GASK1B: variants seen among roughly 807,000 people sequenced by gnomAD.
The protein encoded by GASK1B is golgi associated kinase 1B.
A neutral mutation model predicts 42.8 loss-of-function variants in GASK1B; 34 were observed. That is an observed-to-expected ratio of 0.79 (90% CI 0.60 to 1.06). The LOEUF (loss-of-function observed/expected upper bound fraction) is 1.06. GASK1B is among the 50% of genes least tolerant of loss of function. GASK1B has a pLI of 0.00. For synonymous variants in GASK1B, 262 were observed against 259.1 expected, an observed-to-expected ratio of 1.01 and a Z score of -0.11; for missense variants, 686 against 661.0, an observed-to-expected ratio of 1.04 and a Z score of -0.42.
At position 158,171,264 on chromosome 4, in the gene GASK1B, G is replaced by C. The variant is rs1193144765; in HGVS notation, c.112C>G (p.Leu38Val). 6.2e-7 allele frequency: 1 copy of C among 1,614,016 alleles called. No homozygotes were observed. Among genetic ancestry groups the C allele is most frequent in the Non-Finnish European group, 8.5e-7 (1 of 1,180,000 alleles). ...ATGGCACACGCAGTGCCCAGCAGAA[G>C]GTTTCTCCGGGTCCTTGGACGCCGG... ...SSRRPRTRRN[L>V]LLGTACAIYL... The change falls in exon 2 of 5, where the codon CTT becomes GTT. Residue 38 changes from leucine (L) to valine (V), a missense_variant. Transcript: ENST00000585682.
intron 3 of GASK1B, among the ~76,000 whole-genome samples, chr4:158,145,050 C>T (rs1011986684): frequency 5.9e-5 from 9 of 152,132 alleles, no homozygotes; most frequent in African/African-American, 2.2e-4. Flanking sequence ...GGAGAAAAAT[C>T]CTCATCATCT....
Position 158,128,597 on chromosome 4 carries a change from C to T in GASK1B, c.1353-983G>A, listed in dbSNP as rs900689098. ...AAAAACTATAGTAAGAACATATATA[C>T]TTGCTTAAAGAGTACACTTTGCCAG... is the stretch of plus-strand genomic sequence containing the variant. On this transcript the variant is annotated intron_variant, in intron 4 of 4. Transcript: ENST00000585682. Among the ~76,000 whole-genome samples the T allele has an allele frequency of 5.9e-5, 9 of 152,162 alleles. 1 individual carries two copies. The highest frequency in any genetic ancestry group is 1.3e-4 in the Admixed American group (2 of 15,274).
At chr4:158,135,093 A>T (rs1243594593) in intron 3 of GASK1B, among the ~76,000 whole-genome samples, 1 of 151,992 alleles carries the variant, frequency 6.6e-6, no homozygotes, top group Non-Finnish European at 1.5e-5. Flanking sequence ...AGCACTTTGG[A>T]AGGCTGAGGT....
intron 3 of GASK1B, among the ~76,000 whole-genome samples, chr4:158,149,923 C>CTTTGTTTTTTTTTTT (rs1731484097): frequency 1.5e-5 from 1 of 67,178 alleles, no homozygotes; most frequent in Non-Finnish European, 2.5e-5. Flanking sequence ...CTGCATGCTG[C>CTTTGTTTTTTTTTTT]TTTTTTTTTT....
chr4:158,165,466 T>G (rs964800317), intron 2 of GASK1B, among the ~76,000 whole-genome samples: 38 of 152,190 alleles, frequency 2.5e-4, no homozygotes, highest in African/African-American at 8.9e-4. Context: ...CATGTGATTG[T>G]TTATGGTAAA....
chr4:158,127,211 AGTTT>A lies in GASK1B; in HGVS notation c.*192_*195del, dbSNP rs1345355900. The A allele has an allele frequency of 4.7e-6, 2 of 429,400 alleles. No homozygotes were observed. Among genetic ancestry groups the A allele is most frequent in the African/African-American group, 2.0e-5 (1 of 49,022 alleles). The allele number at this position is 429,400 out of a possible 1,614,324, so 26.6% of individuals were successfully genotyped here. A position where few individuals can be genotyped will look rare whatever the true frequency, so the allele number is the denominator to read the frequency against. On this transcript the variant is annotated 3_prime_UTR_variant, in exon 5 of 5. Coordinates refer to ENST00000585682, the MANE Select transcript of GASK1B (RefSeq NM_001128424.2). Reference sequence around the variant, plus strand: ...AAATATAAACAAATATTTCTCAAGTAGTTTGTTTTTCAAAACCTTTTTAAGTATG... The same window carrying A: ...AAATATAAACAAATATTTCTCAAGTAGTTTTTCAAAACCTTTTTAAGTATG...
At chr4:158,140,003 G>A (rs1477845184) in intron 3 of GASK1B, among the ~76,000 whole-genome samples, 3 of 152,170 alleles carry the variant, frequency 2.0e-5, no homozygotes, top group African/African-American at 7.2e-5. Flanking sequence ...AAAATTTTAA[G>A]GGAATCTGGC....
intron 3 of GASK1B, among the ~76,000 whole-genome samples, chr4:158,134,242 C>A (rs1730796580): frequency 6.6e-6 from 1 of 152,166 alleles, no homozygotes; most frequent in Non-Finnish European, 1.5e-5. Flanking sequence ...TTTATGCTTA[C>A]TTTTAAGACA....
Position 158,149,479 on chromosome 4 carries a change from A to C in GASK1B, c.1125+6132T>G, listed in dbSNP as rs77619261. Among the ~76,000 whole-genome samples, 348 of 152,330 alleles carry C rather than the reference A, an allele frequency of 2.3e-3. 8 individuals are homozygous for C. In the East Asian group the frequency reaches 0.061, roughly 27 times the overall value. ...ATTAAAATACATGTCACTAGAGAAC[A>C]TAAGGGTTTGCTCTCTATTCACAAT... is the stretch of plus-strand genomic sequence containing the variant. On this transcript the variant is annotated intron_variant, in intron 3 of 4. Transcript: ENST00000585682.
At position 158,125,094 on chromosome 4, in the gene GASK1B, A is replaced by G. The variant is rs1466335469; in HGVS notation, c.*2313T>C. 6.6e-6 allele frequency: 1 copy of G among 152,230 alleles called. No individual in the cohort carries two copies. The highest frequency in any genetic ancestry group is 6.5e-5 in the Admixed American group (1 of 15,280). The allele number at this position is 152,230 out of a possible 1,614,324, so 9.4% of individuals were successfully genotyped here. Reference sequence around the variant, plus strand: ...GTATTCTCATTGTTTCAATAAGACAAAAGAAGAACATTACCTATTAGAATT... The same window carrying G: ...GTATTCTCATTGTTTCAATAAGACAGAAGAAGAACATTACCTATTAGAATT... On this transcript the variant is annotated 3_prime_UTR_variant, in exon 5 of 5. Transcript: ENST00000585682.
At chr4:158,167,945 T>C (rs1195377559) in intron 2 of GASK1B, among the ~76,000 whole-genome samples, 1 of 152,184 alleles carries the variant, frequency 6.6e-6, no homozygotes, top group Non-Finnish European at 1.5e-5. Flanking sequence ...TGGGTAGAGA[T>C]ACTGAGAACC....
intron 2 of GASK1B, chr4:158,169,423 A>G (rs568241434): frequency 1.3e-5 from 2 of 152,332 alleles, no homozygotes; most frequent in African/African-American, 4.8e-5. Context: ...TTAAAATGAA[A>G]TTATAATGCT....
intron 3 of GASK1B, among the ~76,000 whole-genome samples, chr4:158,144,905 C>T (rs752113049): frequency 2.0e-5 from 3 of 152,166 alleles, no homozygotes; most frequent in African/African-American, 4.8e-5. Flanking sequence ...AGCAATAAAA[C>T]CAACCCAAAC....
At chr4:158,131,683 T>C (rs538558343) in intron 3 of GASK1B, among the ~76,000 whole-genome samples, 5 of 152,316 alleles carry the variant, frequency 3.3e-5, no homozygotes, top group African/African-American at 1.2e-4. Flanking sequence ...AGAAGAACTG[T>C]TTAATTCCAT....
intron 2 of GASK1B, chr4:158,167,345 CA>C (rs1732266861): frequency 2.0e-5 from 3 of 152,256 alleles, no homozygotes; most frequent in Admixed American, 1.3e-4. Context: ...TGATAGTTCT[CA>C]CAAGAATAAG....
intron 2 of GASK1B, among the ~76,000 whole-genome samples, chr4:158,161,230 T>C (rs1731987133): frequency 6.6e-6 from 1 of 152,148 alleles, no homozygotes; most frequent in African/African-American, 2.4e-5. Flanking sequence ...TAATTCCACA[T>C]TGTAAACATA....
intron 3 of GASK1B, among the ~76,000 whole-genome samples, chr4:158,138,373 C>T (rs73857590): frequency 0.022 from 3,278 of 152,162 alleles, 101 homozygotes; most frequent in African/African-American, 0.073. Context: ...AAAATTTTTG[C>T]ATTTTATGAA....
chr4:158,157,273 A>G (rs1056447438), intron 2 of GASK1B, among the ~76,000 whole-genome samples: 6 of 152,128 alleles, frequency 3.9e-5, no homozygotes, highest in African/African-American at 1.4e-4. Context: ...AACTAAGAGA[A>G]GAGTAGAGAA....
chr4:158,155,882 T>A (rs1316777750), intron 2 of GASK1B, 57 bp from the exon 3 acceptor site: 1 of 1,464,468 alleles, frequency 6.8e-7, no homozygotes, highest in African/African-American at 1.4e-5. Flanking sequence ...AGGGTGTGTC[T>A]TTGAGCAGGT....
Sources: allele counts gnomAD v4.1 joint callset (sites outside exome capture counted in the v4.1 genomes callset), GRCh38; gene constraint gnomAD v4.1.1; transcripts MANE v1.5; gene names NCBI Gene and HGNC (gene_info 2026-07-23, HGNC 2026-07-21).